EYS: variants seen among roughly 807,000 people sequenced by gnomAD.
The protein encoded by EYS is EGF-like photoreceptor maintenance factor.
EYS carries 250 observed loss-of-function variants against 282.1 expected under a neutral mutation model. The observed-to-expected ratio is 0.89, with a 90% CI of 0.80 to 0.98. EYS has a LOEUF of 0.98. Among genes scored for constraint, EYS ranks in the 50% least tolerant of loss-of-function variants. The pLI, the probability that EYS is intolerant of heterozygous loss-of-function variation, is 0.00. For synonymous variants in EYS, 1,355 were observed against 1,282.9 expected (o/e 1.06, Z -1.20); for missense variants, 4,016 against 3,709.0 (o/e 1.08, Z -2.15).
intron 26 of EYS, among the ~76,000 whole-genome samples, chr6:64,487,426 T>C (rs1776608614): frequency 6.6e-6 from 1 of 150,996 alleles, no homozygotes; most frequent in Non-Finnish European, 1.5e-5. Flanking sequence ...TAAAACCATA[T>C]CTAATCTATT....
At chr6:65,514,794 G>A (rs1476168005) in intron 2 of EYS, among the ~76,000 whole-genome samples, 4 of 152,002 alleles carry the variant, frequency 2.6e-5, no homozygotes, top group Admixed American at 6.6e-5. Flanking sequence ...TTAATTCAAG[G>A]TGGATTAAAG....
intron 30 of EYS, among the ~76,000 whole-genome samples, chr6:64,258,167 T>C (rs1767466033): frequency 6.6e-6 from 1 of 152,040 alleles, no homozygotes; most frequent in African/African-American, 2.4e-5. Flanking sequence ...ATGTTATATG[T>C]GAAAGTAAGC....
rs570992622 is a variant in EYS, at chr6:64,715,835, G to A, written c.3444-89590C>T. On this transcript the variant is annotated intron_variant, in intron 22 of 42. Transcript: ENST00000503581. ...GCCCCTGACGTCACAGCTTGAATTCGTTGAGCAGGTTGAATACGTCACACA... is the reference window on the plus strand; with the variant it reads ...GCCCCTGACGTCACAGCTTGAATTCATTGAGCAGGTTGAATACGTCACACA... 2.0e-4 allele frequency among the ~76,000 whole-genome samples: 30 copies of A among 152,304 alleles called. No individual in the cohort carries two copies. The East Asian group carries it at 3.1e-3, about 16-fold the overall frequency.
At chr6:65,155,921 T>C (rs1764718526) in intron 12 of EYS, among the ~76,000 whole-genome samples, 1 of 151,440 alleles carries the variant, frequency 6.6e-6, no homozygotes, top group Non-Finnish European at 1.5e-5. Context: ...AGGCATTTAA[T>C]AAACAGTGAG....
chr6:65,056,161 T>G (rs1773406612), intron 13 of EYS, among the ~76,000 whole-genome samples: 1 of 152,098 alleles, frequency 6.6e-6, no homozygotes, highest in African/African-American at 2.4e-5. Context: ...GCTCAAATCA[T>G]TCTAGCTTTG....
At chr6:65,134,001 A>T (rs1775954249) in intron 12 of EYS, among the ~76,000 whole-genome samples, 1 of 152,170 alleles carries the variant, frequency 6.6e-6, no homozygotes, top group Non-Finnish European at 1.5e-5. Flanking sequence ...CAACAGGCAT[A>T]TAAAAAAATC....
At chr6:65,259,689 G>C (rs1400377446) in intron 12 of EYS, among the ~76,000 whole-genome samples, 5 of 152,022 alleles carry the variant, frequency 3.3e-5, no homozygotes, top group African/African-American at 4.8e-5. Flanking sequence ...GGACTGATCA[G>C]TAAAAATGAT....
intron 37 of EYS, among the ~76,000 whole-genome samples, chr6:63,792,535 A>T (rs1320962699): frequency 2.0e-5 from 3 of 152,162 alleles, no homozygotes; most frequent in Non-Finnish European, 4.4e-5. Context: ...ACATGTATAC[A>T]TATGTAACAA....
rs57451331 is a variant in EYS, at chr6:63,908,012, G to GTATA, written c.7056-43658_7056-43655dup. On this transcript the variant is annotated intron_variant, in intron 35 of 42. Coordinates refer to ENST00000503581, the MANE Select transcript of EYS (RefSeq NM_001142800.2). ...TACACACACACACACACACACAAAC[G>GTATA]TATATATATATATATATATACGTTT... 6.1e-3 allele frequency among the ~76,000 whole-genome samples: 796 copies of GTATA among 131,120 alleles called. 16 individuals carry two copies. The highest frequency in any genetic ancestry group is 0.022 in the African/African-American group (755 of 34,672). The allele number at this position is 131,120 out of a possible 152,430, so 86.0% of individuals were successfully genotyped here.
chr6:64,145,184 T>C (rs1774470771), intron 31 of EYS, among the ~76,000 whole-genome samples: 1 of 152,210 alleles, frequency 6.6e-6, no homozygotes, highest in Non-Finnish European at 1.5e-5. Flanking sequence ...ATTTTCTTTT[T>C]ACCATATTTC....
chr6:64,687,764 T>A (rs1033948232), intron 22 of EYS, among the ~76,000 whole-genome samples: 1 of 152,238 alleles, frequency 6.6e-6, no homozygotes, highest in Non-Finnish European at 1.5e-5. Flanking sequence ...TCCCTTTTTT[T>A]CTATTGATTG....
intron 7 of EYS, among the ~76,000 whole-genome samples, chr6:65,394,390 T>G (rs929292908): frequency 1.3e-5 from 2 of 152,116 alleles, no homozygotes; most frequent in Admixed American, 6.6e-5. Context: ...TCACAATGAC[T>G]TTCCCTTCTC....
intron 12 of EYS, among the ~76,000 whole-genome samples, chr6:65,269,654 C>T (rs1329744933): frequency 6.6e-6 from 1 of 152,136 alleles, no homozygotes; most frequent in Non-Finnish European, 1.5e-5. Context: ...AATTATTTCT[C>T]ACAGTTCTAG....
At chr6:63,908,454 C>T (rs1385591265) in intron 35 of EYS, among the ~76,000 whole-genome samples, 2 of 151,908 alleles carry the variant, frequency 1.3e-5, no homozygotes, top group Non-Finnish European at 2.9e-5. Flanking sequence ...TTTGTTTGTT[C>T]TTTTTTATTT....
At chr6:64,977,948 C>T (rs539785972) in intron 14 of EYS, among the ~76,000 whole-genome samples, 2 of 151,946 alleles carry the variant, frequency 1.3e-5, no homozygotes, top group South Asian at 4.1e-4. Flanking sequence ...AGGAAAAAGG[C>T]TATCTCTAAA....
Position 63,835,417 on chromosome 6 carries a change from G to T in EYS, c.7228+28769C>A, listed in dbSNP as rs1353251944. On this transcript the variant is annotated intron_variant, in intron 36 of 42. Transcript: ENST00000503581. Reference sequence around the variant, plus strand: ...AGAAAGGAATGAATTAACAGTATTTGCAGTGACCTGGATGAAATTAGAAAC... The same window carrying T: ...AGAAAGGAATGAATTAACAGTATTTTCAGTGACCTGGATGAAATTAGAAAC... 2.6e-5 allele frequency among the ~76,000 whole-genome samples: 4 copies of T among 151,744 alleles called. No homozygotes were observed. In the East Asian group the frequency reaches 5.8e-4, roughly 22 times the overall value.
At chr6:63,901,708 G>A (rs534204521) in intron 35 of EYS, among the ~76,000 whole-genome samples, 11 of 152,234 alleles carry the variant, frequency 7.2e-5, no homozygotes, top group Non-Finnish European at 1.5e-4. Context: ...AGTCAGCACT[G>A]GAATAAGATA....
chr6:65,039,982 C>A (rs931539927), intron 13 of EYS, among the ~76,000 whole-genome samples: 12 of 151,562 alleles, frequency 7.9e-5, no homozygotes, highest in Admixed American at 2.6e-4. Context: ...GTTACTTTGC[C>A]AATTTTGGCC....
intron 11 of EYS, among the ~76,000 whole-genome samples, chr6:65,297,220 A>T (rs1291198532): frequency 6.6e-6 from 1 of 151,848 alleles, no homozygotes; most frequent in Non-Finnish European, 1.5e-5. Context: ...AAATTAAAGT[A>T]TCATGATTTT....
Sources: allele counts gnomAD v4.1 joint callset (sites outside exome capture counted in the v4.1 genomes callset), GRCh38; gene constraint gnomAD v4.1.1; transcripts MANE v1.5; gene names NCBI Gene and HGNC (gene_info 2026-07-23, HGNC 2026-07-21).